Variants in DDX46 observed in about 807,000 individuals in gnomAD.
The protein encoded by DDX46 is probable ATP-dependent RNA helicase DDX46.
DDX46 carries 30 observed loss-of-function variants against 134.9 expected under a neutral mutation model. The ratio of observed to expected loss-of-function variants is 0.22; its 90% confidence interval spans 0.17 to 0.30. The LOEUF (loss-of-function observed/expected upper bound fraction) is 0.30. Among genes scored for constraint, DDX46 ranks in the 10% least tolerant of loss-of-function variants. The pLI, the probability that DDX46 is intolerant of heterozygous loss-of-function variation, is 1.00. For missense variants in DDX46, 622 were observed against 1,248.7 expected, an observed-to-expected ratio of 0.50 and a Z score of 7.56; for synonymous variants, 415 against 404.1, an observed-to-expected ratio of 1.03 and a Z score of -0.32.
chr5:134,810,403 A>G (rs554199399), intron 16 of DDX46, among the ~76,000 whole-genome samples: 55 of 150,706 alleles, frequency 3.6e-4, no homozygotes, highest in African/African-American at 1.3e-3. Context: ...CATTGGCGCC[A>G]TCTCACATGC....
intron 4 of DDX46, among the ~76,000 whole-genome samples, chr5:134,771,969 G>C (rs1753787213): frequency 6.6e-6 from 1 of 152,164 alleles, no homozygotes; most frequent in Non-Finnish European, 1.5e-5. Flanking sequence ...AGTGGCTCGT[G>C]CCTGTAATCT....
chr5:134,765,836 T>A (rs1753551170), intron 2 of DDX46, among the ~76,000 whole-genome samples: 2 of 152,228 alleles, frequency 1.3e-5, no homozygotes, highest in South Asian at 4.1e-4. Flanking sequence ...CCCGTGACAA[T>A]GTGGATAGCA....
intron 15 of DDX46, among the ~76,000 whole-genome samples, chr5:134,801,753 GT>G (rs547226337): frequency 2.8e-3 from 420 of 152,134 alleles, no homozygotes; most frequent in Non-Finnish European, 4.3e-3. Flanking sequence ...ATTTATCACT[GT>G]TTGTGTATCT....
At chr5:134,797,340 C>T (rs1554151112) in intron 15 of DDX46, 1 of 213,522 alleles carries the variant, frequency 4.7e-6, no homozygotes, top group Non-Finnish European at 9.5e-6. Context: ...TTGCGCAGAG[C>T]TCACTATATA....
Position 134,817,630 on chromosome 5 carries a change from A to G in DDX46, c.2748A>G (p.Lys916=), listed in dbSNP as rs1421381984. The G allele has an allele frequency of 6.2e-7, 1 of 1,614,216 alleles. No homozygotes were observed. The highest frequency in any genetic ancestry group is 1.7e-5 in the Admixed American group (1 of 60,026). The change falls in exon 20 of 23, where the codon AAA becomes AAG. Residue 916 remains lysine (K), a synonymous_variant. Coordinates refer to ENST00000452510, the MANE Select transcript of DDX46 (RefSeq NM_001300860.2). ...AGCTCAATTATGTGCCGTTAGAGAA[A>G]CAAGAAGAAGAGAGACAGGATGGTG... ...NAKLNYVPLE[K]QEEERQDGGQ...
chr5:134,786,815 A>T (rs1754351108), intron 11 of DDX46, among the ~76,000 whole-genome samples: 1 of 152,198 alleles, frequency 6.6e-6, no homozygotes. Context: ...ACTGCACTCC[A>T]GCCTGGGAGA....
chr5:134,800,064 C>G (rs1754780481), intron 15 of DDX46, among the ~76,000 whole-genome samples: 1 of 152,118 alleles, frequency 6.6e-6, no homozygotes, highest in African/African-American at 2.4e-5. Context: ...TCTCCTGCCT[C>G]AGCCTCCTGG....
intron 15 of DDX46, chr5:134,797,043 G>C (rs557653186): frequency 1.5e-5 from 3 of 205,750 alleles, no homozygotes; most frequent in Non-Finnish European, 3.0e-5. Context: ...CCAGCTACTT[G>C]GGAGGCCGAG....
In DDX46 at chr5:134,816,459, T is replaced by G; in HGVS notation, c.2466T>G (p.Asn822Lys). 1 of 1,608,740 alleles carries G rather than the reference T, an allele frequency of 6.2e-7. No individual in the cohort carries two copies. The highest frequency in any genetic ancestry group is 8.5e-7 in the Non-Finnish European group (1 of 1,177,748). ...ATGAGCAAATTGAAAGCATGTTTAATTCAAAGAAGAGAGTAAAGGATATGG... is the reference window on the plus strand; with the variant it reads ...ATGAGCAAATTGAAAGCATGTTTAAGTCAAAGAAGAGAGTAAAGGATATGG... Reference protein sequence around the residue: ...DIDEQIESMFNSKKRVKDMAA... With the variant: ...DIDEQIESMFKSKKRVKDMAA... The change falls in exon 19 of 23, where the codon AAT becomes AAG. Residue 822 changes from asparagine (N) to lysine (K), a missense_variant. Physicochemically the swap from Asn to Lys is moderately conservative, Grantham distance 94. This residue lies in a region of DDX46 where 3 missense variants were observed against 17.0 expected (regional missense o/e 0.18). Coordinates refer to ENST00000452510, the MANE Select transcript of DDX46 (RefSeq NM_001300860.2).
intron 15 of DDX46, among the ~76,000 whole-genome samples, chr5:134,800,105 GCC>G (rs1184811879): frequency 1.3e-5 from 2 of 152,106 alleles, no homozygotes; most frequent in South Asian, 2.1e-4. Context: ...GCACCGCCAT[GCC>G]CGGCTAATTT....
chr5:134,777,503 G>T, intron 5 of DDX46, 71 bp from the exon 6 acceptor site: 1 of 1,551,384 alleles, frequency 6.4e-7, no homozygotes, highest in South Asian at 1.2e-5. Context: ...TAGAGAGGTG[G>T]GGTGTGGTCT....
intron 1 of DDX46, 89 bp from the exon 2 acceptor site, chr5:134,763,811 TTGTC>T (rs1277370337): frequency 1.4e-6 from 2 of 1,401,928 alleles, no homozygotes; most frequent in East Asian, 2.5e-5. Flanking sequence ...AGTGTTAAAT[TTGTC>T]TGCTGAAATT....
At chr5:134,797,272 A>G (rs1028378937) in intron 15 of DDX46, 1 of 217,460 alleles carries the variant, frequency 4.6e-6, no homozygotes. Flanking sequence ...TAGCTTAGTA[A>G]TGAATCACTC....
intron 11 of DDX46, among the ~76,000 whole-genome samples, chr5:134,787,050 G>T (rs896604446): frequency 2.0e-5 from 3 of 152,082 alleles, no homozygotes; most frequent in African/African-American, 7.2e-5. Context: ...AGCCTCCTGA[G>T]TATCTGGGAC....
rs796821053 is a variant in DDX46 at position 134,828,776 on chromosome 5, A to G, written c.*70A>G. 8 of 1,118,760 alleles carry G rather than the reference A, an allele frequency of 7.2e-6. No homozygotes were observed. In the African/African-American group the frequency reaches 8.1e-5, roughly 11 times the overall value. 69.3% of individuals were successfully genotyped at this position (1,118,760 alleles called of 1,614,324 possible). On this transcript the variant is annotated 3_prime_UTR_variant, in exon 23 of 23. Coordinates refer to ENST00000452510, the MANE Select transcript of DDX46 (RefSeq NM_001300860.2). Reference sequence around the variant, plus strand: ...GTGGCAGTTGCTGTCTGCAGTTTACAATGTATTGTAAATGAAGATTTTTTA... The same window carrying G: ...GTGGCAGTTGCTGTCTGCAGTTTACGATGTATTGTAAATGAAGATTTTTTA...
At chr5:134,797,191 A>AAAAAAC in intron 15 of DDX46, 1 of 290,384 alleles carries the variant, frequency 3.4e-6, no homozygotes, top group Non-Finnish European at 6.5e-6. Context: ...AAAAAAAAAA[A>AAAAAAC]AAAAAACACA....
chr5:134,799,959 C>CT (rs1754777745), intron 15 of DDX46, among the ~76,000 whole-genome samples: 1 of 152,136 alleles, frequency 6.6e-6, no homozygotes, highest in Non-Finnish European at 1.5e-5. Context: ...ACCACTTTTA[C>CT]TTTTTTTAGA....
chr5:134,814,550 T>A (rs1755236002), intron 18 of DDX46, among the ~76,000 whole-genome samples: 1 of 152,220 alleles, frequency 6.6e-6, no homozygotes, highest in Admixed American at 6.5e-5. Flanking sequence ...ACGGTTTTAC[T>A]CAGGTAAATG....
At chr5:134,794,061 G>A (rs1469315058) in intron 13 of DDX46, among the ~76,000 whole-genome samples, 2 of 152,166 alleles carry the variant, frequency 1.3e-5, no homozygotes, top group African/African-American at 4.8e-5. Context: ...GTCCGGGCTT[G>A]TAGTGGTTGG....
Sources: allele counts gnomAD v4.1 joint callset (sites outside exome capture counted in the v4.1 genomes callset), GRCh38; gene constraint gnomAD v4.1.1; regional missense constraint gnomAD v4.1.1; transcripts MANE v1.5; gene names NCBI Gene and HGNC (gene_info 2026-07-23, HGNC 2026-07-21).